Variants in C2CD5 observed in about 807,000 individuals in gnomAD.
The protein encoded by C2CD5 is C2 domain-containing protein 5.
A neutral mutation model predicts 130.3 loss-of-function variants in C2CD5; 109 were observed. The observed-to-expected ratio is 0.84, with a 90% CI of 0.72 to 0.98. The LOEUF (loss-of-function observed/expected upper bound fraction) is 0.98, where lower values mean the gene tolerates loss of function less well. C2CD5 is among the 50% of genes least tolerant of loss of function. C2CD5 has a pLI of 0.00. For missense variants in C2CD5, 996 were observed against 1,261.8 expected (o/e 0.79, Z 3.19); for synonymous variants, 454 against 429.2 (o/e 1.06, Z -0.71).
chr12:22,451,528 C>G (rs1005619208), intron 26 of C2CD5, among the ~76,000 whole-genome samples: 1 of 151,998 alleles, frequency 6.6e-6, no homozygotes, highest in African/African-American at 2.4e-5. Flanking sequence ...CAGCCATTGA[C>G]AGTTATTATT....
chr12:22,454,073 A>G (rs753204489), intron 25 of C2CD5, 31 bp from the exon 26 acceptor site: 1 of 1,571,564 alleles, frequency 6.4e-7, no homozygotes, highest in Non-Finnish European at 8.8e-7. Context: ...AAATCATACT[A>G]TATATACATG....
Position 22,484,873 on chromosome 12 carries a change from C to CAA in C2CD5, c.1372_1373dup (p.Leu458PhefsTer16). 1 of 1,531,810 alleles carries CAA rather than the reference C, an allele frequency of 6.5e-7. No homozygotes were observed. Among genetic ancestry groups the CAA allele is most frequent in the Non-Finnish European group, 8.8e-7 (1 of 1,137,492 alleles). 94.9% of individuals were successfully genotyped at this position (1,531,810 alleles called of 1,614,324 possible). On this transcript the variant is annotated frameshift_variant, in exon 13 of 27. Transcript: ENST00000446597. LOFTEE classifies it high-confidence loss of function. ...TATGACAAAATCCACAACGTGTAGG[C>CAA]AAATTTTCTTCAAGCCTATATAAAT...
Position 22,449,882 on chromosome 12 carries a change from GAC to G in C2CD5, c.3032_3033del (p.Cys1011SerfsTer7). 1 of 1,607,598 alleles carries G rather than the reference GAC, an allele frequency of 6.2e-7. No individual in the cohort carries two copies. Among genetic ancestry groups the G allele is most frequent in the Non-Finnish European group, 8.5e-7 (1 of 1,175,078 alleles). ...ACTGCATCACCACTTACATTTATAA[GAC>G]ACTGTGCCTATAAGAACAACAAACA... ...MENPNKNQAQ[C>X]LINVSGDAVV... is the part of the protein sequence containing the mutation. On this transcript the variant is annotated frameshift_variant, in exon 27 of 27. Transcript: ENST00000446597. LOFTEE classifies it high-confidence loss of function.
chr12:22,528,921 GAAT>G (rs1950963998), intron 3 of C2CD5, among the ~76,000 whole-genome samples: 1 of 152,042 alleles, frequency 6.6e-6, no homozygotes, highest in Non-Finnish European at 1.5e-5. Flanking sequence ...AAAAATTAAA[GAAT>G]ATTAAGGAAT....
chr12:22,514,399 T>C (rs1949504268), intron 8 of C2CD5, among the ~76,000 whole-genome samples: 1 of 152,150 alleles, frequency 6.6e-6, no homozygotes, highest in South Asian at 2.1e-4. Flanking sequence ...TTTTAGAGAC[T>C]ATACAATACT....
intron 7 of C2CD5, among the ~76,000 whole-genome samples, chr12:22,521,187 A>T (rs1326628688): frequency 6.6e-6 from 1 of 152,188 alleles, no homozygotes; most frequent in Non-Finnish European, 1.5e-5. Context: ...TTTGAAATAG[A>T]ACCCAAATTG....
chr12:22,485,710 A>ATT (rs1945397204), intron 12 of C2CD5, among the ~76,000 whole-genome samples: 1 of 152,124 alleles, frequency 6.6e-6, no homozygotes, highest in Non-Finnish European at 1.5e-5. Flanking sequence ...GTGTTATAAG[A>ATT]GGGTACAAAA....
chr12:22,535,466 G>A (rs1013125303), intron 2 of C2CD5, 122 bp from the exon 3 acceptor site: 3 of 616,592 alleles, frequency 4.9e-6, no homozygotes, highest in South Asian at 1.9e-5. Context: ...ATTATCCTCT[G>A]GGACAAAGGG....
At chr12:22,471,895 T>C in intron 19 of C2CD5, 72 bp downstream of exon 19, 2 of 838,974 alleles carry the variant, frequency 2.4e-6, no homozygotes, top group Non-Finnish European at 4.2e-6. Flanking sequence ...TTACAGACAA[T>C]ACAGCAATAT....
At chr12:22,481,672 T>TTG (rs1944729979) in intron 14 of C2CD5, among the ~76,000 whole-genome samples, 1 of 143,290 alleles carries the variant, frequency 7.0e-6, no homozygotes, top group African/African-American at 2.5e-5. Flanking sequence ...TTTTTTTTTT[T>TTG]GAGACAGAGC....
intron 5 of C2CD5, 95 bp downstream of exon 5, chr12:22,525,515 A>G (rs1591987463): frequency 1.3e-5 from 10 of 759,546 alleles, no homozygotes; most frequent in Non-Finnish European, 2.1e-5. Context: ...ACCAAGTACA[A>G]TAGCTTTTCT....
chr12:22,478,019 ACACACACACT>A (rs942196917), intron 15 of C2CD5: 1 of 358,380 alleles, frequency 2.8e-6, no homozygotes, highest in Non-Finnish European at 5.3e-6. Context: ...ACTCACACAC[ACACACACACT>A]CACACACACA....
chr12:22,507,748 C>T (rs1948730473), intron 9 of C2CD5, among the ~76,000 whole-genome samples: 1 of 152,076 alleles, frequency 6.6e-6, no homozygotes, highest in African/African-American at 2.4e-5. Context: ...AATCACTTAC[C>T]AGTAGCCTCA....
At chr12:22,481,131 C>A (rs1465113153) in intron 14 of C2CD5, among the ~76,000 whole-genome samples, 8 of 152,100 alleles carry the variant, frequency 5.3e-5, no homozygotes. Flanking sequence ...TAATATGAAC[C>A]AAGTTACCTA....
At chr12:22,478,604 G>A in intron 14 of C2CD5, 127 bp from the exon 15 acceptor site, 13 of 733,030 alleles carry the variant, frequency 1.8e-5, no homozygotes, top group Admixed American at 5.5e-5. Context: ...CCAGTACTTT[G>A]GGAGGCCAAG....
At chr12:22,456,253 A>C (rs536191087) in intron 25 of C2CD5, among the ~76,000 whole-genome samples, 17 of 152,320 alleles carry the variant, frequency 1.1e-4, no homozygotes, top group African/African-American at 4.1e-4. Context: ...AAATTTGAAA[A>C]GGTTATTGGA....
chr12:22,468,352 A>G (rs1255745304), intron 22 of C2CD5, among the ~76,000 whole-genome samples: 2 of 152,050 alleles, frequency 1.3e-5, no homozygotes, highest in Non-Finnish European at 2.9e-5. Context: ...CCACGGAGCT[A>G]GGATCACAGG....
chr12:22,530,822 T>C (rs1951205912), intron 3 of C2CD5, among the ~76,000 whole-genome samples: 1 of 152,138 alleles, frequency 6.6e-6, no homozygotes, highest in African/African-American at 2.4e-5. Context: ...AAATATATTA[T>C]TTTTCATATT....
At chr12:22,469,438 C>G (rs1014317841) in intron 22 of C2CD5, among the ~76,000 whole-genome samples, 2 of 151,982 alleles carry the variant, frequency 1.3e-5, no homozygotes, top group Middle Eastern at 3.2e-3. Context: ...AGTGGGAAAT[C>G]CAAACCTTTG....
Sources: allele counts gnomAD v4.1 joint callset (sites outside exome capture counted in the v4.1 genomes callset), GRCh38; gene constraint gnomAD v4.1.1; transcripts MANE v1.5; gene names NCBI Gene and HGNC (gene_info 2026-07-23, HGNC 2026-07-21).